The following TJP1 variants were observed in gnomAD, a reference collection of about 807,000 sequenced individuals.
TJP1 encodes the protein tight junction protein 1.
A neutral mutation model predicts 194.2 loss-of-function variants in TJP1; 43 were observed. The observed-to-expected ratio is 0.22, with a 90% CI of 0.17 to 0.29. TJP1 has a LOEUF of 0.29. Among genes scored for constraint, TJP1 ranks in the 10% least tolerant of loss-of-function variants. The probability of loss-of-function intolerance (pLI) is 1.00; values close to 1 mark genes in which losing one functional copy is unlikely to be tolerated. For synonymous variants in TJP1, 801 were observed against 779.0 expected, an observed-to-expected ratio of 1.03 and a Z score of -0.47; for missense variants, 1,971 against 2,185.7, an observed-to-expected ratio of 0.90 and a Z score of 1.96.
rs777112370 is a variant in TJP1 at position 29,733,131 on chromosome 15, T to C, written c.1699A>G (p.Lys567Glu). 6.2e-7 allele frequency: 1 copy of C among 1,614,124 alleles called. No individual in the cohort carries two copies. Among genetic ancestry groups the C allele is most frequent in the Admixed American group, 1.7e-5 (1 of 60,028 alleles). The change falls in exon 13 of 28, where the codon AAG becomes GAG. Residue 567 changes from lysine (K) to glutamate (E), a missense_variant. Transcript: ENST00000614355. ...WLAIRIGKNH[K>E]EVERGIIPNK... The stretch of plus-strand genomic sequence containing the variant: ...GGGATGATGCCTCGTTCTACCTCCT[T>C]ATGATTTTTACCAATTCGAATAGCA...
At chr15:29,949,603 C>T (rs2055523023) in intron 2 of TJP1, among the ~76,000 whole-genome samples, 1 of 85,770 alleles carries the variant, frequency 1.2e-5, no homozygotes, top group African/African-American at 3.3e-5. Flanking sequence ...CAACCACCAC[C>T]TCCACCTTCA....
At chr15:29,952,997 TG>T (rs2055805052) in intron 2 of TJP1, among the ~76,000 whole-genome samples, 1 of 152,190 alleles carries the variant, frequency 6.6e-6, no homozygotes, top group South Asian at 2.1e-4. Flanking sequence ...GGTTTTAAAT[TG>T]GTTCTACATG....
intron 18 of TJP1, among the ~76,000 whole-genome samples, chr15:29,721,155 A>G (rs1000426965): frequency 6.6e-6 from 1 of 152,246 alleles, no homozygotes. Flanking sequence ...CAAAAGTTGA[A>G]TAAGAGCTAA....
chr15:29,741,681 GA>G (rs2044431292), intron 9 of TJP1, among the ~76,000 whole-genome samples: 1 of 151,984 alleles, frequency 6.6e-6, no homozygotes, highest in Non-Finnish European at 1.5e-5. Flanking sequence ...CTTTAAGAAC[GA>G]ATAACAAAAA....
intron 1 of TJP1, among the ~76,000 whole-genome samples, chr15:29,809,915 G>A (rs974479305): frequency 2.6e-5 from 4 of 151,766 alleles, no homozygotes; most frequent in African/African-American, 4.8e-5. Flanking sequence ...TAATGATAAT[G>A]TAGTTATAGT....
At chr15:29,807,061 T>A (rs1317336623) in intron 1 of TJP1, among the ~76,000 whole-genome samples, 1 of 152,194 alleles carries the variant, frequency 6.6e-6, no homozygotes, top group African/African-American at 2.4e-5. Flanking sequence ...ATTTAGTAAA[T>A]TTAGCATCCA....
intron 5 of TJP1, 31 bp downstream of exon 5, chr15:29,766,234 TG>T: frequency 6.3e-7 from 1 of 1,584,342 alleles, no homozygotes. Context: ...AATTTTCATG[TG>T]AAAAAAACAG....
At chr15:29,703,812 T>C (rs1000153680) in intron 27 of TJP1, among the ~76,000 whole-genome samples, 7 of 151,912 alleles carry the variant, frequency 4.6e-5, no homozygotes, top group Non-Finnish European at 8.8e-5. Flanking sequence ...CTGGCTAATT[T>C]TTGTATTTTT....
At chr15:29,723,172 G>A (rs2043035331) in intron 18 of TJP1, among the ~76,000 whole-genome samples, 1 of 152,130 alleles carries the variant, frequency 6.6e-6, no homozygotes, top group South Asian at 2.1e-4. Context: ...ATGTGAGAAG[G>A]ACATGAAATT....
chr15:29,725,110 T>C (rs1217562424), intron 18 of TJP1, among the ~76,000 whole-genome samples: 1 of 152,214 alleles, frequency 6.6e-6, no homozygotes, highest in Non-Finnish European at 1.5e-5. Flanking sequence ...TCCTTTCAAG[T>C]GCTGCAAAAG....
At chr15:29,833,879 A>ATTTTTTTTTTT (rs1460129845) in intron 2 of TJP1, among the ~76,000 whole-genome samples, 4 of 13,790 alleles carry the variant, frequency 2.9e-4, no homozygotes, top group African/African-American at 7.4e-4. Flanking sequence ...ATATATATAT[A>ATTTTTTTTTTT]TATTTTTTTT....
downstream of TJP1, chr15:29,699,714 C>T (rs1433482893): frequency 6.6e-6 from 1 of 152,258 alleles, no homozygotes; most frequent in Non-Finnish European, 1.5e-5. Context: ...AGTAGGATGT[C>T]CACAATGGAA....
chr15:29,932,294 C>T (rs780265410), intron 2 of TJP1, among the ~76,000 whole-genome samples: 46 of 152,198 alleles, frequency 3.0e-4, no homozygotes, highest in Admixed American at 4.6e-4. Context: ...GAGAGGTAAA[C>T]AGACCAAGGG....
chr15:29,958,274 G>GTC (rs1045524454), intron 1 of TJP1, among the ~76,000 whole-genome samples: 50 of 149,212 alleles, frequency 3.4e-4, no homozygotes, highest in Non-Finnish European at 2.5e-4. Context: ...AGTGTTCGAA[G>GTC]TCTCTCTCTC....
intron 2 of TJP1, among the ~76,000 whole-genome samples, chr15:29,842,721 C>T (rs1408618182): frequency 6.6e-6 from 1 of 152,192 alleles, no homozygotes; most frequent in Non-Finnish European, 1.5e-5. Context: ...ATCAGAAGTG[C>T]ACATCTCTAA....
chr15:29,948,865 G>A (rs1029649802), intron 2 of TJP1, among the ~76,000 whole-genome samples: 2 of 151,904 alleles, frequency 1.3e-5, no homozygotes, highest in African/African-American at 2.4e-5. Context: ...CCCACTGTAA[G>A]AAGAGAAGAA....
Position 29,822,255 on chromosome 15 carries a change from C to T in TJP1, c.-227G>A. 9 of 1,166,434 alleles carry T rather than the reference C, an allele frequency of 7.7e-6. No individual in the cohort carries two copies. Among genetic ancestry groups the T allele is most frequent in the Non-Finnish European group, 9.5e-6 (9 of 945,724 alleles). The allele number at this position is 1,166,434 out of a possible 1,614,324, so 72.3% of individuals were successfully genotyped here. ...TTCTCCACGGGGCGCGCCCGACCGG[C>T]ACCTCCCTCCGAGCGCGGCCACCCA... On this transcript the variant is annotated 5_prime_UTR_variant, in exon 1 of 28. Coordinates refer to ENST00000614355, the MANE Select transcript of TJP1 (RefSeq NM_001330239.4).
At chr15:29,791,958 T>C (rs1460104770) in intron 2 of TJP1, among the ~76,000 whole-genome samples, 2 of 152,192 alleles carry the variant, frequency 1.3e-5, no homozygotes, top group African/African-American at 4.8e-5. Flanking sequence ...TTCAGATCTT[T>C]TGCCCATTTT....
chr15:29,949,974 T>C (rs991809814), intron 2 of TJP1, among the ~76,000 whole-genome samples: 72 of 2,936 alleles, frequency 0.025, no homozygotes, highest in Admixed American at 0.036. Context: ...ACCACAACCA[T>C]CTTCACCACC....
Sources: allele counts gnomAD v4.1 joint callset (sites outside exome capture counted in the v4.1 genomes callset), GRCh38; gene constraint gnomAD v4.1.1; transcripts MANE v1.5; gene names NCBI Gene and HGNC (gene_info 2026-07-23, HGNC 2026-07-21).